STUM: variants seen among roughly 807,000 people sequenced by gnomAD.
STUM encodes the protein stum, mechanosensory transduction mediator homolog.
Under a neutral mutation model 15.3 loss-of-function variants are expected in STUM, and 8 were observed. That is an observed-to-expected ratio of 0.52 (90% CI 0.31 to 0.94). The LOEUF is 0.94. Among genes scored for constraint, STUM ranks in the 40% least tolerant of loss-of-function variants. STUM has a pLI of 0.05. For missense variants in STUM, 142 were observed against 204.9 expected (o/e 0.69, Z 1.87); for synonymous variants, 78 against 88.7 (o/e 0.88, Z 0.68).
At chr1:226,577,688 G>T (rs1264187858) in intron 1 of STUM, among the ~76,000 whole-genome samples, 1 of 152,142 alleles carries the variant, frequency 6.6e-6, no homozygotes, top group Non-Finnish European at 1.5e-5. Context: ...CTGAAAGGGA[G>T]GGGGGGCCAG....
chr1:226,584,514 C>T (rs1448203936), intron 1 of STUM, among the ~76,000 whole-genome samples: 1 of 152,106 alleles, frequency 6.6e-6, no homozygotes, highest in Non-Finnish European at 1.5e-5. Context: ...TCCTGAAGGT[C>T]TCTTGGGACT....
chr1:226,562,405 G>A (rs1345761200), intron 1 of STUM, among the ~76,000 whole-genome samples: 1 of 151,440 alleles, frequency 6.6e-6, no homozygotes, highest in Non-Finnish European at 1.5e-5. Flanking sequence ...GGAGGCATAG[G>A]TTGCAGTGAG....
chr1:226,560,738 T>C (rs1458456168), intron 1 of STUM, among the ~76,000 whole-genome samples: 2 of 152,130 alleles, frequency 1.3e-5, no homozygotes, highest in Non-Finnish European at 2.9e-5. Context: ...CTGGGTCACA[T>C]CTCAGAATGG....
intron 1 of STUM, among the ~76,000 whole-genome samples, chr1:226,578,456 T>A (rs1667859916): frequency 6.7e-6 from 1 of 148,958 alleles, no homozygotes; most frequent in South Asian, 2.2e-4. Flanking sequence ...GCCTCGACTG[T>A]CTGGGCTCAA....
At chr1:226,582,487 G>A (rs1224506222) in intron 1 of STUM, among the ~76,000 whole-genome samples, 1 of 151,970 alleles carries the variant, frequency 6.6e-6, no homozygotes, top group Non-Finnish European at 1.5e-5. Context: ...CCCAGCTACT[G>A]GGGAGGCTGA....
intron 1 of STUM, among the ~76,000 whole-genome samples, chr1:226,574,202 T>C (rs906359131): frequency 6.6e-6 from 1 of 152,366 alleles, no homozygotes; most frequent in Middle Eastern, 3.4e-3. Context: ...GTTCATCTTA[T>C]GTAACTGCAA....
intron 1 of STUM, among the ~76,000 whole-genome samples, chr1:226,558,214 C>G (rs114535452): frequency 6.6e-6 from 1 of 152,172 alleles, no homozygotes; most frequent in East Asian, 1.9e-4. Flanking sequence ...TGACATAATC[C>G]TATATATAGA....
intron 1 of STUM, among the ~76,000 whole-genome samples, chr1:226,593,024 A>G (rs1668114536): frequency 6.6e-6 from 1 of 152,192 alleles, no homozygotes; most frequent in Non-Finnish European, 1.5e-5. Context: ...CGTCTCGACT[A>G]AAAATACAAA....
intron 1 of STUM, among the ~76,000 whole-genome samples, chr1:226,562,717 G>C (rs1667563086): frequency 6.6e-6 from 1 of 152,094 alleles, no homozygotes; most frequent in Admixed American, 6.6e-5. Context: ...AAGCATCATT[G>C]TCATAAAATA....
intron 1 of STUM, among the ~76,000 whole-genome samples, chr1:226,587,582 T>C (rs1230150098): frequency 6.6e-6 from 1 of 152,054 alleles, no homozygotes; most frequent in Non-Finnish European, 1.5e-5. Flanking sequence ...CGGAGAACCC[T>C]TAGCATTTAC....
At position 226,549,146 on chromosome 1, in the gene STUM, G is replaced by A. The variant is rs370979969; in HGVS notation, c.202+40G>A. ...CCGCGACCCTTGCGACCCCCACCCC[G>A]CCGCGGGAGGGCGTGGGGGGAGAGA... On this transcript the variant is annotated intron_variant, in intron 1 of 3. Coordinates refer to ENST00000366788, the MANE Select transcript of STUM (RefSeq NM_001003665.4). The surrounding 1 kb of genome is among the most constrained non-coding windows in gnomAD (Gnocchi z 6.8). The A allele has an allele frequency of 1.4e-4, 207 of 1,522,878 alleles. No homozygotes were observed. The highest frequency in any genetic ancestry group is 1.6e-4 in the Non-Finnish European group (182 of 1,124,222). The allele number at this position is 1,522,878 out of a possible 1,614,324, so 94.3% of individuals were successfully genotyped here. A position where few individuals can be genotyped will look rare whatever the true frequency, so the allele number is the denominator to read the frequency against.
intron 1 of STUM, among the ~76,000 whole-genome samples, chr1:226,558,223 G>A (rs1553309652): frequency 6.6e-6 from 1 of 152,182 alleles, no homozygotes; most frequent in Non-Finnish European, 1.5e-5. Flanking sequence ...CCTATATATA[G>A]AAAACCTTAC....
At chr1:226,570,561 A>G (rs1015483793) in intron 1 of STUM, among the ~76,000 whole-genome samples, 2 of 152,220 alleles carry the variant, frequency 1.3e-5, no homozygotes, top group African/African-American at 4.8e-5. Flanking sequence ...TCCACCCCAC[A>G]GGGGCCAAGC....
In STUM at chr1:226,600,636, C is replaced by A; in HGVS notation, c.383-30C>A. The A allele has an allele frequency of 6.2e-7, 1 of 1,610,696 alleles. No homozygotes were observed. Among genetic ancestry groups the A allele is most frequent in the Non-Finnish European group, 8.5e-7 (1 of 1,179,952 alleles). ...CTCTTCTTCTCTCTCTCCTCTTCCT[C>A]CTGCTGCCTCCCACTCTGTGCTGCT... is the stretch of plus-strand genomic sequence containing the variant. On this transcript the variant is annotated intron_variant, in intron 2 of 3. Transcript: ENST00000366788. This position sits in a 1 kb window ranked among gnomAD's most constrained non-coding sequence, Gnocchi z 5.2.
At chr1:226,564,730 T>A (rs555033598) in intron 1 of STUM, among the ~76,000 whole-genome samples, 4 of 152,340 alleles carry the variant, frequency 2.6e-5, no homozygotes, top group African/African-American at 9.6e-5. Context: ...TGCTGGGTGA[T>A]AATGAGCTGG....
chr1:226,588,269 AC>A (rs1296219447), intron 1 of STUM, among the ~76,000 whole-genome samples: 1 of 152,172 alleles, frequency 6.6e-6, no homozygotes, highest in East Asian at 1.9e-4. Context: ...CCCTCCGCAG[AC>A]CTGCTCAGCT....
intron 1 of STUM, among the ~76,000 whole-genome samples, chr1:226,563,383 T>G (rs1558278879): frequency 6.6e-6 from 1 of 152,240 alleles, no homozygotes; most frequent in Non-Finnish European, 1.5e-5. Context: ...AAGGAGATTT[T>G]TCCAGAGATC....
chr1:226,578,405 C>T (rs1023660959), intron 1 of STUM, among the ~76,000 whole-genome samples: 1 of 145,192 alleles, frequency 6.9e-6, no homozygotes, highest in Non-Finnish European at 1.5e-5. Context: ...CTCTTTGTCA[C>T]CCAGGCTGGA....
rs1277533317 is a variant in STUM at position 226,602,039 on chromosome 1, G to A, written c.425G>A (p.Ter142=). The A allele has an allele frequency of 6.2e-7, 1 of 1,606,316 alleles. No individual in the cohort carries two copies. Among genetic ancestry groups the A allele is most frequent in the Non-Finnish European group, 8.5e-7 (1 of 1,179,672 alleles). Residue 142 remains the stop codon, a stop_retained_variant, in exon 4 of 4, where the codon TGA becomes TAA. Coordinates refer to ENST00000366788, the MANE Select transcript of STUM (RefSeq NM_001003665.4). Reference sequence around the variant, plus strand: ...GAGCAGGGCATCCCACAGCAGCTGTGAGCCCACGGGAGCCGCTGGGGAGAT... The same window carrying A: ...GAGCAGGGCATCCCACAGCAGCTGTAAGCCCACGGGAGCCGCTGGGGAGAT... ...YKEQGIPQQL[*] is the part of the protein sequence containing the mutation.
Sources: gnomAD v4.1 joint callset for allele counts (sites outside exome capture counted in the v4.1 genomes callset) on GRCh38, gnomAD v4.1.1 for gene constraint, Gnocchi (gnomAD v3.1) non-coding constraint, MANE v1.5 for transcripts, NCBI Gene and HGNC (gene_info 2026-07-23, HGNC 2026-07-21) for gene names.